KMT2A: variants seen among roughly 807,000 people sequenced by gnomAD.
KMT2A encodes lysine methyltransferase 2A, also known as histone-lysine N-methyltransferase 2A.
Under a neutral mutation model 345.3 loss-of-function variants are expected in KMT2A, and 16 were observed. The observed-to-expected ratio is 0.05, with a 90% CI of 0.03 to 0.07. The LOEUF (loss-of-function observed/expected upper bound fraction) is 0.07. Among genes scored for constraint, KMT2A ranks in the 10% least tolerant of loss-of-function variants. The probability of loss-of-function intolerance (pLI) is 1.00; values close to 1 mark genes in which losing one functional copy is unlikely to be tolerated. For missense variants in KMT2A, 3,272 were observed against 4,841.6 expected, an observed-to-expected ratio of 0.68 and a Z score of 9.62; for synonymous variants, 1,599 against 1,778.6, an observed-to-expected ratio of 0.90 and a Z score of 2.54.
chr11:118,471,273 T>C (rs1351006205), intron 2 of KMT2A, among the ~76,000 whole-genome samples: 1 of 152,220 alleles, frequency 6.6e-6, no homozygotes, highest in Non-Finnish European at 1.5e-5. Flanking sequence ...AGCATATTCT[T>C]AAATGTTAAT....
chr11:118,447,107 T>C (rs562576040), intron 1 of KMT2A, among the ~76,000 whole-genome samples: 1 of 152,342 alleles, frequency 6.6e-6, no homozygotes, highest in East Asian at 1.9e-4. Context: ...CATGAAGTTT[T>C]CACAGATTGT....
At chr11:118,448,390 T>C (rs1949465016) in intron 1 of KMT2A, 1 of 152,174 alleles carries the variant, frequency 6.6e-6, no homozygotes, top group Non-Finnish European at 1.5e-5. Context: ...TAGTTAGTAT[T>C]ATAAAAGCCT....
At chr11:118,453,092 C>T (rs554559968) in intron 1 of KMT2A, among the ~76,000 whole-genome samples, 5 of 152,318 alleles carry the variant, frequency 3.3e-5, no homozygotes. Context: ...ATAAAACTAT[C>T]TGCCTTAATA....
At position 118,524,252 on chromosome 11, in the gene KMT2A, C is replaced by T. The variant is rs1951033114; in HGVS notation, c.*2080C>T. 1 of 183,804 alleles carries T rather than the reference C, an allele frequency of 5.4e-6. No homozygotes were observed. The highest frequency in any genetic ancestry group is 2.4e-5 in the African/African-American group (1 of 42,526). The allele number at this position is 183,804 out of a possible 1,614,324, so 11.4% of individuals were successfully genotyped here. On this transcript the variant is annotated 3_prime_UTR_variant, in exon 36 of 36. Coordinates refer to ENST00000534358, the MANE Select transcript of KMT2A (RefSeq NM_001197104.2). ...AAAGCAGATTTTTCTCTGCCTCTGC[C>T]ACAAGGTTTCAGAGTAGTGTAGTCC... is the stretch of plus-strand genomic sequence containing the variant.
In KMT2A at chr11:118,443,352, A is replaced by G. The variant is rs553154860; in HGVS notation, c.432+6408A>G. Among the ~76,000 whole-genome samples the G allele has an allele frequency of 3.9e-5, 6 of 152,264 alleles. No homozygotes were observed. In the South Asian group the frequency reaches 1.0e-3, roughly 26 times the overall value. ...TTAAAATGATGAGCCGCTTTTCTTGACCTATCCAAAGAAATCCATACCACC... is the reference window on the plus strand; with the variant it reads ...TTAAAATGATGAGCCGCTTTTCTTGGCCTATCCAAAGAAATCCATACCACC... On this transcript the variant is annotated intron_variant, in intron 1 of 35. Coordinates refer to ENST00000534358, the MANE Select transcript of KMT2A (RefSeq NM_001197104.2).
Position 118,521,977 on chromosome 11 carries a change from C to T in KMT2A, c.11724C>T (p.Ile3908=), listed in dbSNP as rs1565319164. Residue 3908 remains isoleucine (I), a synonymous_variant, in exon 36 of 36, where the codon ATC becomes ATT. Transcript: ENST00000534358. This position sits in a 1 kb window ranked among gnomAD's most constrained non-coding sequence, Gnocchi z 5.3. Reference sequence around the variant, plus strand: ...TGCATGGAAATGCTGCACGCTTCATCAATCACTCGTGTGAGCCTAACTGCT... The same window carrying T: ...TGCATGGAAATGCTGCACGCTTCATTAATCACTCGTGTGAGCCTAACTGCT... The part of the protein sequence containing the change: ...ATMHGNAARF[I]NHSCEPNCYS... 3.1e-6 allele frequency: 5 copies of T among 1,614,190 alleles called. No individual in the cohort carries two copies. Among genetic ancestry groups the T allele is most frequent in the Non-Finnish European group, 4.2e-6 (5 of 1,180,026 alleles).
intron 3 of KMT2A, among the ~76,000 whole-genome samples, chr11:118,475,071 G>T (rs1555037177): frequency 6.6e-6 from 1 of 152,102 alleles, no homozygotes; most frequent in East Asian, 1.9e-4. Context: ...AGGTAGAGAT[G>T]GCAGTGAGCT....
chr11:118,460,917 G>A (rs1201687317), intron 1 of KMT2A, among the ~76,000 whole-genome samples: 1 of 152,212 alleles, frequency 6.6e-6, no homozygotes, highest in Admixed American at 6.5e-5. Context: ...TACTTCTTGG[G>A]AGCAGGAATC....
rs2134265185 is a variant in KMT2A, at chr11:118,473,090, G to A, written c.1931G>A (p.Arg644His). Residue 644 changes from arginine to histidine, a missense_variant, in exon 3 of 36, where the codon CGC becomes CAC. Physicochemically the swap from Arg to His is conservative, Grantham distance 29 (BLOSUM62 0). Around this residue, in one of 27 missense-constraint regions of KMT2A, gnomAD observed 114 missense variants for 203.2 expected, o/e 0.56. Transcript: ENST00000534358. This position sits in a 1 kb window ranked among gnomAD's most constrained non-coding sequence, Gnocchi z 5.2. ...AAGTATGCCAAAGAAGGTCTTATTC[G>A]CAAACCAATATTTGATAATTTCCGA... Reference protein sequence around the residue: ...SAKYAKEGLIRKPIFDNFRPP... With the variant: ...SAKYAKEGLIHKPIFDNFRPP... 2 of 1,614,074 alleles carry A rather than the reference G, an allele frequency of 1.2e-6. No individual in the cohort carries two copies.
intron 1 of KMT2A, among the ~76,000 whole-genome samples, chr11:118,446,017 G>T (rs781902838): frequency 2.0e-5 from 3 of 151,788 alleles, no homozygotes; most frequent in Non-Finnish European, 4.4e-5. Context: ...AAAAAAGAAA[G>T]AAAAAAAGAA....
chr11:118,455,987 C>A (rs1412940686), intron 1 of KMT2A, among the ~76,000 whole-genome samples: 1 of 152,098 alleles, frequency 6.6e-6, no homozygotes, highest in Non-Finnish European at 1.5e-5. Flanking sequence ...CTGTGCCCAG[C>A]CTTGGCTACA....
chr11:118,441,176 TG>T (rs1323162622), intron 1 of KMT2A, among the ~76,000 whole-genome samples: 1 of 152,056 alleles, frequency 6.6e-6, no homozygotes, highest in Non-Finnish European at 1.5e-5. Context: ...TGATAATTTT[TG>T]TTTTTTTTTT....
At chr11:118,483,314 T>C (rs1367475355) in intron 8 of KMT2A, among the ~76,000 whole-genome samples, 3 of 150,506 alleles carry the variant, frequency 2.0e-5, no homozygotes, top group Admixed American at 6.6e-5. Flanking sequence ...GGGCGGATCA[T>C]GAGGGCAGGA....
At chr11:118,441,004 AC>A (rs1487378021) in intron 1 of KMT2A, among the ~76,000 whole-genome samples, 1 of 152,034 alleles carries the variant, frequency 6.6e-6, no homozygotes, top group Non-Finnish European at 1.5e-5. Context: ...TTCACTTTTA[AC>A]CTTAAATTTC....
chr11:118,455,606 T>C (rs2134211681), intron 1 of KMT2A, among the ~76,000 whole-genome samples: 1 of 152,244 alleles, frequency 6.6e-6, no homozygotes. Context: ...GCCTAATCAG[T>C]TTTTACCAAT....
intron 5 of KMT2A, among the ~76,000 whole-genome samples, chr11:118,479,774 G>C (rs1322294639): frequency 1.3e-5 from 2 of 152,168 alleles, no homozygotes; most frequent in Non-Finnish European, 2.9e-5. Context: ...TAGCATTATA[G>C]TGGTAGACAA....
At chr11:118,506,705 G>A in intron 27 of KMT2A, 59 bp downstream of exon 27, 1 of 1,484,488 alleles carries the variant, frequency 6.7e-7, no homozygotes, top group African/African-American at 1.4e-5. Context: ...GTAAATTAGG[G>A]GCTGTTGATG....
chr11:118,482,574 A>G, intron 8 of KMT2A, 79 bp downstream of exon 8: 1 of 1,011,812 alleles, frequency 9.9e-7, no homozygotes, highest in Non-Finnish European at 1.5e-6. Context: ...CTTGACTTCT[A>G]TGTAGATGGC....
At chr11:118,456,608 G>C (rs1949649133) in intron 1 of KMT2A, among the ~76,000 whole-genome samples, 1 of 152,112 alleles carries the variant, frequency 6.6e-6, no homozygotes, top group African/African-American at 2.4e-5. Flanking sequence ...AAAGTGCTAG[G>C]ATTACAGGCA....
Sources: allele counts gnomAD v4.1 joint callset (sites outside exome capture counted in the v4.1 genomes callset), GRCh38; gene constraint gnomAD v4.1.1; regional missense constraint gnomAD v4.1.1; non-coding constraint Gnocchi (gnomAD v3.1); transcripts MANE v1.5; gene names NCBI Gene and HGNC (gene_info 2026-07-23, HGNC 2026-07-21).